Variants in MTX2 observed in about 807,000 individuals in gnomAD.
MTX2 encodes metaxin-2.
In MTX2, 35 loss-of-function variants were observed where a neutral mutation model predicts 42.3. That is an observed-to-expected ratio of 0.83 (90% CI 0.63 to 1.10). MTX2 has a LOEUF of 1.10. MTX2 is among the 50% of genes least tolerant of loss of function. The pLI is 0.00. For missense variants in MTX2, 307 were observed against 304.1 expected (o/e 1.01, Z -0.07); for synonymous variants, 119 against 100.9 (o/e 1.18, Z -1.08).
intron 9 of MTX2, among the ~76,000 whole-genome samples, chr2:176,336,049 C>G (rs780100536): frequency 6.6e-6 from 1 of 152,006 alleles, no homozygotes; most frequent in African/African-American, 2.4e-5. Context: ...GGATTTTTAC[C>G]AACCCCCAAA....
At chr2:176,283,739 A>G (rs993933115) in intron 1 of MTX2, among the ~76,000 whole-genome samples, 1 of 152,312 alleles carries the variant, frequency 6.6e-6, no homozygotes, top group Non-Finnish European at 1.5e-5. Flanking sequence ...AGTTTGAAGG[A>G]TATTTGTTTT....
chr2:176,313,740 T>C (rs1037498413), intron 3 of MTX2, among the ~76,000 whole-genome samples: 2 of 152,118 alleles, frequency 1.3e-5, no homozygotes, highest in Admixed American at 1.3e-4. Flanking sequence ...GATTTCCTTC[T>C]TTTAAATTAA....
intron 3 of MTX2, among the ~76,000 whole-genome samples, chr2:176,317,790 G>A (rs995521648): frequency 3.9e-5 from 6 of 152,082 alleles, no homozygotes; most frequent in Admixed American, 6.6e-5. Context: ...GCCCTCTGCT[G>A]TTTGGGTCCC....
chr2:176,301,870 A>G (rs1193648803), intron 3 of MTX2, among the ~76,000 whole-genome samples: 2 of 152,158 alleles, frequency 1.3e-5, no homozygotes, highest in Non-Finnish European at 2.9e-5. Flanking sequence ...ATGAAGCTCA[A>G]GTTAGGTAAT....
intron 3 of MTX2, among the ~76,000 whole-genome samples, chr2:176,308,545 A>C (rs1163809443): frequency 6.6e-6 from 1 of 152,134 alleles, no homozygotes; most frequent in Non-Finnish European, 1.5e-5. Flanking sequence ...TTGGTACGCT[A>C]TTAATTATTG....
Position 176,297,837 on chromosome 2 carries a change from G to T in MTX2, c.89-12G>T. Reference sequence around the variant, plus strand: ...ACTTGGTTAACATTTATGCTTCATTGTATTTCCACAGGGGAGCAAATTTTA... The same window carrying T: ...ACTTGGTTAACATTTATGCTTCATTTTATTTCCACAGGGGAGCAAATTTTA... On this transcript the variant is annotated splice_polypyrimidine_tract_variant and intron_variant, in intron 2 of 9. Transcript: ENST00000249442. The T allele has an allele frequency of 6.5e-7, 1 of 1,532,294 alleles. No individual in the cohort carries two copies. Among genetic ancestry groups the T allele is most frequent in the East Asian group, 2.4e-5 (1 of 42,030 alleles). The allele number at this position is 1,532,294 out of a possible 1,614,324, so 94.9% of individuals were successfully genotyped here. A position where few individuals can be genotyped will look rare whatever the true frequency, so the allele number is the denominator to read the frequency against.
chr2:176,321,617 G>A (rs1047847458), intron 3 of MTX2, among the ~76,000 whole-genome samples: 1 of 152,084 alleles, frequency 6.6e-6, no homozygotes, highest in Non-Finnish European at 1.5e-5. Flanking sequence ...TCATGGTTCT[G>A]TTTGGCTGCT....
chr2:176,273,998 C>T (rs1456344094), intron 1 of MTX2, among the ~76,000 whole-genome samples: 1 of 151,592 alleles, frequency 6.6e-6, no homozygotes, highest in East Asian at 1.9e-4. Flanking sequence ...TCACTTCTTT[C>T]CTTGCCCCTT....
intron 1 of MTX2, chr2:176,270,542 T>G: frequency 1.9e-6 from 1 of 527,902 alleles, no homozygotes; most frequent in South Asian, 1.9e-5. Context: ...TAGTCATAAC[T>G]CCCTAGCAGT....
At chr2:176,310,731 A>G (rs998674543) in intron 3 of MTX2, among the ~76,000 whole-genome samples, 5 of 152,134 alleles carry the variant, frequency 3.3e-5, no homozygotes, top group Non-Finnish European at 7.3e-5. Context: ...TTCTCGTGCC[A>G]TGGTTTTCAG....
chr2:176,305,012 A>G (rs1349506390), intron 3 of MTX2, among the ~76,000 whole-genome samples: 1 of 152,072 alleles, frequency 6.6e-6, no homozygotes, highest in Non-Finnish European at 1.5e-5. Flanking sequence ...AACTTATTAA[A>G]GGCAATTCTT....
chr2:176,314,153 G>A (rs1404866409), intron 3 of MTX2, among the ~76,000 whole-genome samples: 1 of 151,970 alleles, frequency 6.6e-6, no homozygotes, highest in Non-Finnish European at 1.5e-5. Context: ...TATTTAAAGG[G>A]CTGGGTGCGG....
At chr2:176,315,427 G>A (rs761951134) in intron 3 of MTX2, among the ~76,000 whole-genome samples, 18 of 152,074 alleles carry the variant, frequency 1.2e-4, no homozygotes, top group Admixed American at 1.3e-4. Context: ...AGAATCTGAC[G>A]TATCACTTTC....
rs6748413 is a variant in MTX2, at chr2:176,305,374, G to A, written c.135+7479G>A. Among the ~76,000 whole-genome samples, 96 of 151,692 alleles carry A rather than the reference G, an allele frequency of 6.3e-4. 1 individual carries two copies. The highest frequency in any genetic ancestry group is 3.1e-3 in the South Asian group (15 of 4,786). ...AGAAAAAGAATATATATATTTTTTC[G>A]TTTTCTCCCCAACTGTTCATTGAGT... On this transcript the variant is annotated intron_variant, in intron 3 of 9. Coordinates refer to ENST00000249442, the MANE Select transcript of MTX2 (RefSeq NM_006554.5).
intron 1 of MTX2, among the ~76,000 whole-genome samples, chr2:176,291,920 G>A (rs1368269973): frequency 6.6e-6 from 1 of 152,178 alleles, no homozygotes; most frequent in East Asian, 1.9e-4. Flanking sequence ...GGATGTGTGT[G>A]TGATGAGGTA....
intron 1 of MTX2, among the ~76,000 whole-genome samples, chr2:176,291,119 A>G (rs563170728): frequency 2.0e-5 from 3 of 152,334 alleles, no homozygotes; most frequent in South Asian, 4.1e-4. Flanking sequence ...CCGATATATC[A>G]TGCACATTAT....
At chr2:176,329,243 A>G in intron 7 of MTX2, 58 bp from the exon 8 acceptor site, 4 of 1,517,620 alleles carry the variant, frequency 2.6e-6, no homozygotes, top group South Asian at 2.6e-5. Flanking sequence ...TTCTATTTGT[A>G]AAAACGGGCA....
chr2:176,287,587 G>C (rs939582621), intron 1 of MTX2, among the ~76,000 whole-genome samples: 1 of 152,128 alleles, frequency 6.6e-6, no homozygotes, highest in African/African-American at 2.4e-5. Flanking sequence ...TACTCAACCT[G>C]TATGTAACAA....
chr2:176,297,478 A>G (rs1553472686), intron 2 of MTX2, among the ~76,000 whole-genome samples: 1 of 152,184 alleles, frequency 6.6e-6, no homozygotes, highest in Non-Finnish European at 1.5e-5. Context: ...CACACTGTGC[A>G]ATATTAACTG....
Sources: allele counts gnomAD v4.1 joint callset (sites outside exome capture counted in the v4.1 genomes callset), GRCh38; gene constraint gnomAD v4.1.1; transcripts MANE v1.5; gene names NCBI Gene and HGNC (gene_info 2026-07-23, HGNC 2026-07-21).